RB1CC1: variants seen among roughly 807,000 people sequenced by gnomAD.
RB1CC1 encodes the protein RB1-inducible coiled-coil protein 1.
In RB1CC1, 46 loss-of-function variants were observed where a neutral mutation model predicts 177.5. The ratio of observed to expected loss-of-function variants is 0.26; its 90% CI spans 0.20 to 0.33. RB1CC1 has a LOEUF of 0.33. Among genes scored for constraint, RB1CC1 ranks in the 10% least tolerant of loss-of-function variants. The pLI is 1.00. For synonymous variants in RB1CC1, 666 were observed against 613.6 expected (o/e 1.09, Z -1.26); for missense variants, 1,703 against 1,816.3 (o/e 0.94, Z 1.13).
At position 52,685,407 on chromosome 8, in the gene RB1CC1, T is replaced by C; in HGVS notation, c.63A>G (p.Thr21=). ...AATGAAATACAACTCACGTTTGCAC[T>C]GTAAGTTCAGTGTCAAATGTTAGAG... ...GTTLTFDTEL[T]VQTVADLKHA... Residue 21 remains threonine, a synonymous_variant, in exon 3 of 24, where the codon ACA becomes ACG. Transcript: ENST00000025008. 1 of 1,594,084 alleles carries C rather than the reference T, an allele frequency of 6.3e-7. No individual in the cohort carries two copies. The highest frequency in any genetic ancestry group is 8.6e-7 in the Non-Finnish European group (1 of 1,166,560).
At chr8:52,693,459 G>GA (rs964671401) in intron 1 of RB1CC1, among the ~76,000 whole-genome samples, 1 of 151,102 alleles carries the variant, frequency 6.6e-6, no homozygotes, top group Non-Finnish European at 1.5e-5. Flanking sequence ...CAACAAACAT[G>GA]AAAAAAAAGC....
At chr8:52,691,396 T>C (rs1184764077) in intron 1 of RB1CC1, among the ~76,000 whole-genome samples, 1 of 152,138 alleles carries the variant, frequency 6.6e-6, no homozygotes, top group Non-Finnish European at 1.5e-5. Context: ...TCATAAACAA[T>C]GCTGACCAAA....
chr8:52,694,303 G>A (rs1384857192), intron 1 of RB1CC1, among the ~76,000 whole-genome samples: 7 of 152,176 alleles, frequency 4.6e-5, no homozygotes, highest in Admixed American at 3.3e-4. Flanking sequence ...AGAGGAGGGT[G>A]ATTCAGGATC....
In RB1CC1 at chr8:52,660,605, A is replaced by C. The variant is rs1214962045; in HGVS notation, c.1680T>G (p.Pro560=). 1.3e-6 allele frequency: 2 copies of C among 1,587,660 alleles called. No homozygotes were observed. Among genetic ancestry groups the C allele is most frequent in the East Asian group, 4.5e-5 (2 of 44,166 alleles). The part of the protein sequence containing the change: ...RLFRGLDSWP[P]SFCTQKPRKF... Reference sequence around the variant, plus strand: ...GAAAATAAATACATACACAAAAGGAAGGGGGCCAGGAGTCCAGTCCCCTAA... The same window carrying C: ...GAAAATAAATACATACACAAAAGGACGGGGGCCAGGAGTCCAGTCCCCTAA... The change falls in exon 12 of 24, where the codon CCT becomes CCG. Residue 560 remains proline (P), a synonymous_variant. Coordinates refer to ENST00000025008, the MANE Select transcript of RB1CC1 (RefSeq NM_014781.5).
chr8:52,689,245 A>T (rs181393161), intron 1 of RB1CC1, among the ~76,000 whole-genome samples: 1 of 152,146 alleles, frequency 6.6e-6, no homozygotes, highest in African/African-American at 2.4e-5. Context: ...GATTCACCCA[A>T]TCTCTCACAT....
intron 12 of RB1CC1, 31 bp from the exon 13 acceptor site, chr8:52,659,007 T>TG (rs1851356696): frequency 7.5e-7 from 1 of 1,339,766 alleles, no homozygotes; most frequent in Non-Finnish European, 1.0e-6. Flanking sequence ...ACTTAAAAAA[T>TG]TTTTTTTCAA....
intron 1 of RB1CC1, among the ~76,000 whole-genome samples, chr8:52,691,748 C>T (rs1257079411): frequency 6.6e-6 from 1 of 152,156 alleles, no homozygotes; most frequent in African/African-American, 2.4e-5. Context: ...TACCAAAAGT[C>T]TACCCAAGAA....
chr8:52,633,024 C>A (rs1375788763), intron 20 of RB1CC1, among the ~76,000 whole-genome samples: 1 of 152,160 alleles, frequency 6.6e-6, no homozygotes, highest in Admixed American at 6.5e-5. Context: ...CAAAATAATG[C>A]AACCATTTGT....
At position 52,642,766 on chromosome 8, in the gene RB1CC1, T is replaced by A. The variant is rs990314009; in HGVS notation, c.4034A>T (p.Asn1345Ile). Residue 1345 changes from asparagine (N) to isoleucine (I), a missense_variant, in exon 17 of 24, where the codon AAC (asparagine) becomes ATC (isoleucine). Asn to Ile is a moderately radical substitution (Grantham distance 149, BLOSUM62 -3). Transcript: ENST00000025008. ...CTTATCACTAAGATCATTTATTATGTTTTCTTTTCTCATTTTCTCTCTTGT... is the reference window on the plus strand; with the variant it reads ...CTTATCACTAAGATCATTTATTATGATTTCTTTTCTCATTTTCTCTCTTGT... ...VLTREKMRKE[N>I]IINDLSDKLK... is the part of the protein sequence containing the mutation. 5 of 1,578,744 alleles carry A rather than the reference T, an allele frequency of 3.2e-6. No individual in the cohort carries two copies. Among genetic ancestry groups the A allele is most frequent in the Non-Finnish European group, 8.5e-7 (1 of 1,169,940 alleles).
At chr8:52,704,428 G>A (rs1165047832) in intron 1 of RB1CC1, among the ~76,000 whole-genome samples, 1 of 146,288 alleles carries the variant, frequency 6.8e-6, no homozygotes, top group Non-Finnish European at 1.5e-5. Context: ...GAGAAAGAAT[G>A]GACAAGAATT....
rs1215140280 is a variant in RB1CC1, at chr8:52,632,148, C to A, written c.4441-1620G>T. Reference sequence around the variant, plus strand: ...GGGACTGTTCTCCTCTTCAAACAAGCTTCAATCCATTTATCCACACCATCT... The same window carrying A: ...GGGACTGTTCTCCTCTTCAAACAAGATTCAATCCATTTATCCACACCATCT... On this transcript the variant is annotated intron_variant, in intron 20 of 23. Transcript: ENST00000025008. Among the ~76,000 whole-genome samples, 16 of 152,156 alleles carry A rather than the reference C, an allele frequency of 1.1e-4. 1 individual carries two copies. Among genetic ancestry groups the A allele is most frequent in the Admixed American group, 1.0e-3 (16 of 15,268 alleles).
rs761115325 is a variant in RB1CC1 at position 52,661,284 on chromosome 8, A to G, written c.1359-3T>C. 5 of 1,608,838 alleles carry G rather than the reference A, an allele frequency of 3.1e-6. No homozygotes were observed. In the East Asian group the frequency reaches 6.7e-5, roughly 22 times the overall value. On this transcript the variant is annotated splice_polypyrimidine_tract_variant and splice_region_variant and intron_variant, in intron 9 of 23. Coordinates refer to ENST00000025008, the MANE Select transcript of RB1CC1 (RefSeq NM_014781.5). The stretch of plus-strand genomic sequence containing the variant: ...GAAGCATTACAAAGCAACACCACCT[A>G]GAGAATAAAATCCATTATTTTCAAC...
rs375198910 is a variant in RB1CC1, at chr8:52,655,957, C to T, written c.3821+51G>A. 173 of 1,364,560 alleles carry T rather than the reference C, an allele frequency of 1.3e-4. 1 individual carries two copies. In the South Asian group the frequency reaches 1.9e-3, roughly 15 times the overall value. The allele number at this position is 1,364,560 out of a possible 1,614,324, so 84.5% of individuals were successfully genotyped here. A position where few individuals can be genotyped will look rare whatever the true frequency, so the allele number is the denominator to read the frequency against. On this transcript the variant is annotated intron_variant, in intron 15 of 23. Transcript: ENST00000025008. ...TCAAGGTACTGTGATTACACACAAA[C>T]GAATCACTGATATTTTAATTTTATA...
intron 7 of RB1CC1, among the ~76,000 whole-genome samples, 171 bp downstream of exon 7, chr8:52,673,674 C>T (rs1206887307): frequency 2.0e-5 from 3 of 152,038 alleles, no homozygotes; most frequent in Non-Finnish European, 4.4e-5. Context: ...ACAATCAATT[C>T]ATAAATAAAA....
At chr8:52,711,070 A>T (rs1332223659) in intron 1 of RB1CC1, among the ~76,000 whole-genome samples, 1 of 152,190 alleles carries the variant, frequency 6.6e-6, no homozygotes, top group East Asian at 1.9e-4. Flanking sequence ...AAAATATGAG[A>T]GTTCAAAAGA....
chr8:52,685,113 C>T (rs1285538376), intron 3 of RB1CC1, among the ~76,000 whole-genome samples: 6 of 151,346 alleles, frequency 4.0e-5, no homozygotes, highest in Admixed American at 4.0e-4. Context: ...AAGTGATTCT[C>T]CTGCCTCAGC....
At chr8:52,653,051 C>T (rs1590976519) in intron 15 of RB1CC1, among the ~76,000 whole-genome samples, 1 of 152,174 alleles carries the variant, frequency 6.6e-6, no homozygotes, top group Non-Finnish European at 1.5e-5. Flanking sequence ...GAGCGAAACT[C>T]CGTCTCAAAA....
At chr8:52,696,619 C>CA (rs940428677) in intron 1 of RB1CC1, among the ~76,000 whole-genome samples, 1 of 152,002 alleles carries the variant, frequency 6.6e-6, no homozygotes, top group Non-Finnish European at 1.5e-5. Flanking sequence ...CTCAAAAAAA[C>CA]AAAAACAAAA....
intron 22 of RB1CC1, among the ~76,000 whole-genome samples, chr8:52,625,943 G>GA (rs1246303964): frequency 2.0e-5 from 3 of 152,238 alleles, no homozygotes; most frequent in Non-Finnish European, 2.9e-5. Context: ...AGATATACAC[G>GA]AAAGATATCC....
Sources: gnomAD v4.1 joint callset for allele counts (sites outside exome capture counted in the v4.1 genomes callset) on GRCh38, gnomAD v4.1.1 for gene constraint, MANE v1.5 for transcripts, NCBI Gene and HGNC (gene_info 2026-07-23, HGNC 2026-07-21) for gene names.